Variants in ZBTB40 observed in about 807,000 individuals in gnomAD.
The protein encoded by ZBTB40 is zinc finger and BTB domain-containing protein 40.
Under a neutral mutation model 117.5 loss-of-function variants are expected in ZBTB40, and 60 were observed. That is an observed-to-expected ratio of 0.51 (90% CI 0.41 to 0.63). The LOEUF is 0.63. Among genes scored for constraint, ZBTB40 ranks in the 30% least tolerant of loss-of-function variants. The pLI is 0.00. For missense variants in ZBTB40, 1,287 were observed against 1,498.5 expected (o/e 0.86, Z 2.33); for synonymous variants, 525 against 577.1 (o/e 0.91, Z 1.29).
intron 1 of ZBTB40, among the ~76,000 whole-genome samples, chr1:22,433,494 G>GCATTTA: frequency 1.9e-5 from 1 of 52,174 alleles, no homozygotes; most frequent in Middle Eastern, 0.011. Context: ...CATTTACCTA[G>GCATTTA]CATTTACATT....
chr1:22,457,953 C>T (rs1038248494), intron 1 of ZBTB40, among the ~76,000 whole-genome samples: 4 of 152,192 alleles, frequency 2.6e-5, no homozygotes, highest in Non-Finnish European at 5.9e-5. Context: ...GTGAATTTGC[C>T]ATCTTTCTTC....
chr1:22,482,239 T>G (rs1638340243), intron 1 of ZBTB40, among the ~76,000 whole-genome samples: 1 of 152,200 alleles, frequency 6.6e-6, no homozygotes, highest in African/African-American at 2.4e-5. Flanking sequence ...CAATATTAGG[T>G]ACATGGTATA....
chr1:22,506,065 GT>G lies in ZBTB40; in HGVS notation c.1185del (p.Cys395TrpfsTer10), dbSNP rs1309108767. On this transcript the variant is annotated frameshift_variant, in exon 6 of 18. Coordinates refer to ENST00000375647, the MANE Select transcript of ZBTB40 (RefSeq NM_014870.4). LOFTEE classifies it high-confidence loss of function. ...GTEKRVILNC[C>X]EGRTPKETIE... ...CCACTGCAGGTGATTCTGAATTGCTGTGAGGGCAGAACACCCAAGGAGACAA... is the reference window on the plus strand; with the variant it reads ...CCACTGCAGGTGATTCTGAATTGCTGGAGGGCAGAACACCCAAGGAGACAA... 1.7e-5 allele frequency: 28 copies of G among 1,614,046 alleles called. No individual in the cohort carries two copies. The highest frequency in any genetic ancestry group is 2.2e-5 in the Non-Finnish European group (26 of 1,180,020).
intron 1 of ZBTB40, among the ~76,000 whole-genome samples, chr1:22,431,387 T>TATATAC (rs1640586708): frequency 6.3e-5 from 1 of 15,808 alleles, no homozygotes; most frequent in African/African-American, 7.6e-5. Context: ...TGTGTGTGTA[T>TATATAC]ATATATATAT....
intron 1 of ZBTB40, among the ~76,000 whole-genome samples, chr1:22,440,422 A>C (rs532966603): frequency 6.6e-6 from 1 of 152,344 alleles, no homozygotes; most frequent in East Asian, 1.9e-4. Context: ...GAATTGCTTG[A>C]GCCCAGAAGT....
At chr1:22,434,438 G>A (rs567271951) in intron 1 of ZBTB40, among the ~76,000 whole-genome samples, 3 of 152,118 alleles carry the variant, frequency 2.0e-5, no homozygotes, top group African/African-American at 7.2e-5. Flanking sequence ...TTTATAAAAT[G>A]TGATTGAATT....
At chr1:22,457,886 C>T (rs1641040339) in intron 1 of ZBTB40, among the ~76,000 whole-genome samples, 1 of 152,180 alleles carries the variant, frequency 6.6e-6, no homozygotes, top group South Asian at 2.1e-4. Flanking sequence ...CTTCTTGACT[C>T]CTTTTGCTCC....
At chr1:22,454,690 C>T (rs901398036) in intron 1 of ZBTB40, among the ~76,000 whole-genome samples, 6 of 152,164 alleles carry the variant, frequency 3.9e-5, no homozygotes, top group African/African-American at 9.7e-5. Flanking sequence ...AGTCCCTGGC[C>T]GTGAACCCAG....
rs138373371 is a variant in ZBTB40 at position 22,508,147 on chromosome 1, G to A, written c.1497+10G>A. ...CCCTGGAGAAAGAGAGGTAAGAGAG[G>A]GAGAGAAACAGAGGGAGGGGAGGGT... On this transcript the variant is annotated intron_variant, in intron 7 of 17. Coordinates refer to ENST00000375647, the MANE Select transcript of ZBTB40 (RefSeq NM_014870.4). The A allele has an allele frequency of 3.0e-4, 483 of 1,613,118 alleles. No homozygotes were observed. The African/African-American group carries it at 5.8e-3, about 19-fold the overall frequency.
At position 22,481,787 on chromosome 1, in the gene ZBTB40, C is replaced by CAAAAA. The variant is rs766474050; in HGVS notation, c.-69-8069_-69-8065dup. ...CCGTAAGACTTATGTCTTGTTTTAC[C>CAAAAA]AAAAAAAAAAAAAAAAAAAAAAAAA... On this transcript the variant is annotated intron_variant, in intron 1 of 17. Coordinates refer to ENST00000375647, the MANE Select transcript of ZBTB40 (RefSeq NM_014870.4). 2.0e-4 allele frequency among the ~76,000 whole-genome samples: 13 copies of CAAAAA among 64,304 alleles called. 3 individuals are homozygous for CAAAAA. The highest frequency in any genetic ancestry group is 8.2e-4 in the African/African-American group (12 of 14,592). The allele number at this position is 64,304 out of a possible 152,430, so 42.2% of individuals were successfully genotyped here.
At chr1:22,474,355 C>T (rs1641505159) in intron 1 of ZBTB40, among the ~76,000 whole-genome samples, 1 of 152,240 alleles carries the variant, frequency 6.6e-6, no homozygotes, top group African/African-American at 2.4e-5. Flanking sequence ...ATCTCTTACA[C>T]TCCACATTGT....
chr1:22,482,737 A>G (rs1638358144), intron 1 of ZBTB40, among the ~76,000 whole-genome samples: 1 of 152,166 alleles, frequency 6.6e-6, no homozygotes, highest in Non-Finnish European at 1.5e-5. Context: ...TTGGAATTAT[A>G]AAGTATGTAG....
At chr1:22,503,787 CAATT>C (rs1452020079) in intron 5 of ZBTB40, among the ~76,000 whole-genome samples, 1 of 152,168 alleles carries the variant, frequency 6.6e-6, no homozygotes, top group Non-Finnish European at 1.5e-5. Flanking sequence ...TTCAGGCACT[CAATT>C]TAAGTAAGTT....
At chr1:22,469,975 G>A (rs919880200) in intron 1 of ZBTB40, among the ~76,000 whole-genome samples, 17 of 152,152 alleles carry the variant, frequency 1.1e-4, no homozygotes, top group African/African-American at 1.4e-4. Context: ...ATCAACATTC[G>A]AAGAAAAAAA....
rs775695640 is a variant in ZBTB40 at position 22,509,238 on chromosome 1, G to A, written c.1833+5G>A. The A allele has an allele frequency of 4.3e-6, 7 of 1,614,176 alleles. No homozygotes were observed. Among genetic ancestry groups the A allele is most frequent in the Non-Finnish European group, 5.9e-6 (7 of 1,180,018 alleles). ...CTGGCAGAGACTGTGAAAGAGGTGT[G>A]GTGGGAATAAAAAGCGAAATGCCAG... On this transcript the variant is annotated splice_donor_5th_base_variant and intron_variant, in intron 9 of 17. Transcript: ENST00000375647.
intron 1 of ZBTB40, among the ~76,000 whole-genome samples, chr1:22,453,703 A>G (rs1191728216): frequency 6.6e-6 from 1 of 152,204 alleles, no homozygotes; most frequent in Non-Finnish European, 1.5e-5. Flanking sequence ...CACGTCGGAG[A>G]GATGTTCGAG....
At chr1:22,507,250 A>G (rs1360280013) in intron 6 of ZBTB40, among the ~76,000 whole-genome samples, 4 of 152,198 alleles carry the variant, frequency 2.6e-5, no homozygotes, top group Non-Finnish European at 5.9e-5. Flanking sequence ...GGTGGTACCT[A>G]TCACATTCGT....
At chr1:22,502,260 C>T (rs780936817) in intron 4 of ZBTB40, 39 bp from the exon 5 acceptor site, 2 of 1,600,352 alleles carry the variant, frequency 1.2e-6, no homozygotes, top group Non-Finnish European at 1.7e-6. Flanking sequence ...TTCAAATTGA[C>T]TAGCTTCTCT....
At chr1:22,510,457 A>G (rs971921493) in intron 9 of ZBTB40, among the ~76,000 whole-genome samples, 2 of 152,226 alleles carry the variant, frequency 1.3e-5, no homozygotes, top group Non-Finnish European at 2.9e-5. Context: ...CTCCAGGGAC[A>G]TCAGGTTTAT....
Sources: gnomAD v4.1 joint callset for allele counts (sites outside exome capture counted in the v4.1 genomes callset) on GRCh38, gnomAD v4.1.1 for gene constraint, MANE v1.5 for transcripts, NCBI Gene and HGNC (gene_info 2026-07-23, HGNC 2026-07-21) for gene names.